Variants in MYH10 observed in about 807,000 individuals in gnomAD.
The protein encoded by MYH10 is myosin heavy chain 10, also known as myosin-10.
Under a neutral mutation model 257.8 loss-of-function variants are expected in MYH10, and 55 were observed. The ratio of observed to expected loss-of-function variants is 0.21; its 90% CI spans 0.17 to 0.27. The LOEUF is 0.27. Among genes scored for constraint, MYH10 ranks in the 10% least tolerant of loss-of-function variants. The pLI is 1.00. For synonymous variants in MYH10, 854 were observed against 921.7 expected (o/e 0.93, Z 1.33); for missense variants, 1,631 against 2,500.6 (o/e 0.65, Z 7.42).
intron 23 of MYH10, 56 bp downstream of exon 23, chr17:8,513,482 G>A (rs2081364441): frequency 6.2e-7 from 1 of 1,603,262 alleles, no homozygotes; most frequent in Non-Finnish European, 8.5e-7. Context: ...TGCTACCAGT[G>A]CAAGATCTCA....
Position 8,492,920 on chromosome 17 carries a change from G to T in MYH10, c.4314C>A (p.Arg1438=). The T allele has an allele frequency of 1.2e-6, 2 of 1,614,058 alleles. No individual in the cohort carries two copies. Among genetic ancestry groups the T allele is most frequent in the Non-Finnish European group, 1.7e-6 (2 of 1,180,008 alleles). ...LLKDAEALSQ[R]LEEKALAYDK... The stretch of plus-strand genomic sequence containing the variant: ...CATACGCCAGTGCCTTCTCCTCCAG[G>T]CGCTGGCTCAGGGCCTCCGCGTCCT... Residue 1438 remains arginine, a synonymous_variant, in exon 33 of 43, where the codon CGC becomes CGA. Transcript: ENST00000360416.
intron 3 of MYH10, among the ~76,000 whole-genome samples, chr17:8,596,585 C>T (rs2084379922): frequency 6.8e-6 from 1 of 146,890 alleles, no homozygotes. Flanking sequence ...TCAAGGTTCA[C>T]ATTTTGATGT....
At chr17:8,481,297 C>T (rs768463945) in intron 38 of MYH10, 25 bp downstream of exon 38, 83 of 1,610,508 alleles carry the variant, frequency 5.2e-5, no homozygotes, top group Non-Finnish European at 6.7e-5. Flanking sequence ...GGCGAAGAAC[C>T]CACCCCCGGC....
Position 8,481,375 on chromosome 17 carries a change from G to C in MYH10, c.5211C>G (p.Ala1737=), listed in dbSNP as rs375872840. The C allele has an allele frequency of 1.2e-6, 2 of 1,614,066 alleles. No individual in the cohort carries two copies. The highest frequency in any genetic ancestry group is 2.2e-5 in the East Asian group (1 of 44,888). ...LASSERARRH[A]EQERDELADE... ...CCGCCAGCTCATCTCTCTCCTGCTC[G>C]GCGTGTCGGCGGGCTCGCTCAGATG... The change falls in exon 38 of 43, where the codon GCC becomes GCG. Residue 1737 remains alanine (A), a synonymous_variant. Transcript: ENST00000360416.
chr17:8,598,351 T>C (rs538594372), intron 3 of MYH10, among the ~76,000 whole-genome samples: 14 of 152,344 alleles, frequency 9.2e-5, no homozygotes, highest in African/African-American at 3.4e-4. Context: ...TGATCACACT[T>C]GCCAAACATT....
At chr17:8,514,041 G>C (rs1482282620) in intron 21 of MYH10, 147 bp from the exon 22 acceptor site, 1 of 764,428 alleles carries the variant, frequency 1.3e-6, no homozygotes, top group Non-Finnish European at 2.1e-6. Context: ...AGACGCACAA[G>C]GAAGCCGTTC....
At chr17:8,488,451 T>G (rs889879091) in intron 35 of MYH10, among the ~76,000 whole-genome samples, 2 of 152,250 alleles carry the variant, frequency 1.3e-5, no homozygotes, top group Non-Finnish European at 2.9e-5. Flanking sequence ...CTGTCCTGCT[T>G]CTTCCACTTA....
At chr17:8,591,855 A>G (rs2084154142) in intron 3 of MYH10, among the ~76,000 whole-genome samples, 1 of 152,074 alleles carries the variant, frequency 6.6e-6, no homozygotes, top group Non-Finnish European at 1.5e-5. Context: ...CTGATCTTGT[A>G]TTAACTTTGG....
chr17:8,482,861 G>A (rs1025630240), intron 37 of MYH10, among the ~76,000 whole-genome samples: 1 of 152,214 alleles, frequency 6.6e-6, no homozygotes, highest in Non-Finnish European at 1.5e-5. Flanking sequence ...CAGCCACATC[G>A]CCTTTGGGGA....
At chr17:8,574,073 G>A (rs2083428259) in intron 6 of MYH10, among the ~76,000 whole-genome samples, 1 of 152,138 alleles carries the variant, frequency 6.6e-6, no homozygotes, top group Admixed American at 6.5e-5. Flanking sequence ...ACCATAACTT[G>A]TACATGAGTG....
chr17:8,583,733 T>A (rs2083794539), intron 4 of MYH10, among the ~76,000 whole-genome samples: 1 of 152,244 alleles, frequency 6.6e-6, no homozygotes, highest in African/African-American at 2.4e-5. Flanking sequence ...CCTGGCTGGC[T>A]GGCTATCATT....
chr17:8,518,460 T>G (rs554505120), intron 21 of MYH10, among the ~76,000 whole-genome samples, 171 bp downstream of exon 21: 1 of 152,228 alleles, frequency 6.6e-6, no homozygotes, highest in East Asian at 1.9e-4. Flanking sequence ...TATTGCAACA[T>G]CCCATTACTT....
intron 37 of MYH10, 185 bp from the exon 38 acceptor site, chr17:8,481,595 T>G (rs1913825967): frequency 1.8e-6 from 1 of 564,532 alleles, no homozygotes. Context: ...CCAGGTGGTG[T>G]GTGGTGTCAG....
Position 8,535,841 on chromosome 17 carries a change from C to T in MYH10, c.1696G>A (p.Glu566Lys). The change falls in exon 15 of 43, where the codon GAG (glutamate) becomes AAG (lysine). Residue 566 changes from glutamate to lysine, a missense_variant. By Grantham distance (56) the Glu-to-Lys change is moderately conservative. Transcript: ENST00000360416. The surrounding 1 kb of genome is among the most constrained non-coding windows in gnomAD (Gnocchi z 4.3). ...TGAAACTTGGAGTGGGAACCTTGCT[C>T]TTGAACCAGTTTTTCAACAAAGGTT... is the stretch of plus-strand genomic sequence containing the variant. ...DKTFVEKLVQ[E>K]QGSHSKFQKP... The T allele has an allele frequency of 6.2e-7, 1 of 1,614,106 alleles. No homozygotes were observed. Among genetic ancestry groups the T allele is most frequent in the African/African-American group, 1.3e-5 (1 of 75,032 alleles).
In MYH10 at chr17:8,490,409, C is replaced by A; in HGVS notation, c.4815G>T (p.Ala1605=). ...RLEVNMQAMK[A]QFERDLQTRD... The stretch of plus-strand genomic sequence containing the variant: ...TGGTTTGCAGGTCTCTCTCGAACTG[C>A]GCCTTCATGGCCTGCATGTTGACCT... Residue 1605 remains alanine, a synonymous_variant, in exon 35 of 43, where the codon GCG becomes GCT. Coordinates refer to ENST00000360416, the MANE Select transcript of MYH10 (RefSeq NM_001256012.3). This position sits in a 1 kb window ranked among gnomAD's most constrained non-coding sequence, Gnocchi z 4.1. 1.2e-6 allele frequency: 2 copies of A among 1,614,178 alleles called. No homozygotes were observed. Among genetic ancestry groups the A allele is most frequent in the Non-Finnish European group, 1.7e-6 (2 of 1,180,034 alleles).
chr17:8,559,344 A>G (rs573829481), intron 7 of MYH10, among the ~76,000 whole-genome samples: 113 of 152,340 alleles, frequency 7.4e-4, no homozygotes, highest in African/African-American at 2.7e-3. Context: ...GCTAAAAATA[A>G]CCTACAAAGA....
intron 2 of MYH10, among the ~76,000 whole-genome samples, chr17:8,615,992 T>C (rs1419764928): frequency 1.3e-5 from 2 of 152,196 alleles, no homozygotes; most frequent in Non-Finnish European, 2.9e-5. Context: ...AAAAGAAATG[T>C]GTGTCAACTG....
intron 2 of MYH10, among the ~76,000 whole-genome samples, chr17:8,612,854 C>CAAA (rs540861293): frequency 1.8e-5 from 2 of 113,342 alleles, no homozygotes; most frequent in Non-Finnish European, 1.9e-5. Flanking sequence ...TGTTCTGTCT[C>CAAA]AAAAAAAAAA....
chr17:8,563,872 C>G (rs550770564), intron 7 of MYH10, among the ~76,000 whole-genome samples: 123 of 135,716 alleles, frequency 9.1e-4, no homozygotes, highest in Non-Finnish European at 1.4e-3. Flanking sequence ...AAATTGCCAG[C>G]CTGGCTTAAG....
Sources: allele counts gnomAD v4.1 joint callset (sites outside exome capture counted in the v4.1 genomes callset), GRCh38; gene constraint gnomAD v4.1.1; non-coding constraint Gnocchi (gnomAD v3.1); transcripts MANE v1.5; gene names NCBI Gene and HGNC (gene_info 2026-07-23, HGNC 2026-07-21).